Variants in DPP7 observed in about 807,000 individuals in gnomAD.
DPP7 encodes the protein dipeptidyl peptidase 2.
Under a neutral mutation model 58.8 loss-of-function variants are expected in DPP7, and 74 were observed. The observed-to-expected ratio is 1.26, with a 90% CI of 1.04 to 1.53. DPP7 has a LOEUF of 1.53. DPP7 is among the 40% of genes most tolerant of loss of function. DPP7 has a pLI of 0.00. For missense variants in DPP7, 807 were observed against 692.3 expected, an observed-to-expected ratio of 1.17 and a Z score of -1.86; for synonymous variants, 350 against 303.6, an observed-to-expected ratio of 1.15 and a Z score of -1.59.
At chr9:137,115,174 C>T (rs76353448), upstream of DPP7, 11,531 of 154,290 alleles carry the variant, frequency 0.075, 672 homozygotes, top group Non-Finnish European at 0.1. Context: ...TTTGTCCAAG[C>T]GATAACGGGC....
At position 137,114,670 on chromosome 9, in the gene DPP7, C is replaced by T; in HGVS notation, c.44G>A (p.Gly15Glu). Residue 15 changes from glycine to glutamate, a missense_variant, in exon 1 of 13, where the codon GGG (glycine) becomes GAG (glutamate). Coordinates refer to ENST00000371579, the MANE Select transcript of DPP7 (RefSeq NM_013379.3). The part of the protein sequence containing the change: ...PWAPVLLLAL[G>E]LRGLQAGARR... ...ACCCCCCGCCTGGAGGCCGCGCAGCCCGAGCGCCAGCAGCAGGACCGGGGC... is the reference window on the plus strand; with the variant it reads ...ACCCCCCGCCTGGAGGCCGCGCAGCTCGAGCGCCAGCAGCAGGACCGGGGC... 7.3e-7 allele frequency: 1 copy of T among 1,360,608 alleles called. No individual in the cohort carries two copies. The highest frequency in any genetic ancestry group is 1.5e-5 in the African/African-American group (1 of 64,994). 84.3% of individuals were successfully genotyped at this position (1,360,608 alleles called of 1,614,324 possible). A position where few individuals can be genotyped will look rare whatever the true frequency, so the allele number is the denominator to read the frequency against.
Position 137,111,981 on chromosome 9 carries a change from TA to T in DPP7, c.1098del (p.Asp366GlufsTer31). On this transcript the variant is annotated frameshift_variant, in exon 10 of 13. Transcript: ENST00000371579. LOFTEE classifies it high-confidence loss of function. ...TCAGTGAAGGGCAGGTCCGGGAACA[TA>T]TCGGTCACATTGTTGCTGGCGAAGG... The part of the protein sequence containing the change: ...NLTFASNNVT[D>X]MFPDLPFTDE... 2.5e-6 allele frequency: 4 copies of T among 1,612,800 alleles called. No individual in the cohort carries two copies. The highest frequency in any genetic ancestry group is 3.4e-6 in the Non-Finnish European group (4 of 1,179,694).
At position 137,111,562 on chromosome 9, in the gene DPP7, T is replaced by C. The variant is rs543100660; in HGVS notation, c.1272+128A>G. The C allele has an allele frequency of 1.1e-4, 109 of 1,024,192 alleles. No individual in the cohort carries two copies. The African/African-American group carries it at 1.6e-3, about 15-fold the overall frequency. The allele number at this position is 1,024,192 out of a possible 1,614,324, so 63.4% of individuals were successfully genotyped here. On this transcript the variant is annotated intron_variant, in intron 11 of 12. Coordinates refer to ENST00000371579, the MANE Select transcript of DPP7 (RefSeq NM_013379.3). Reference sequence around the variant, plus strand: ...TCCCAGTTACTGGGAGGCTTGAGCCTCAGAGGTCAAGGCTGCAGTGAACCC... The same window carrying C: ...TCCCAGTTACTGGGAGGCTTGAGCCCCAGAGGTCAAGGCTGCAGTGAACCC...
chr9:137,114,316 G>T lies in DPP7; in HGVS notation c.248C>A (p.Ala83Asp). ...GACGAAGGCCGAGTTGTTGGCGAAG[G>T]CCCACACGTCGCCCTCGTTCCCAGT... ...FYTGNEGDVW[A>D]FANNSAFVAE... The change falls in exon 3 of 13, where the codon GCC (alanine) becomes GAC (aspartate). Residue 83 changes from alanine to aspartate, a missense_variant. Physicochemically the swap from Ala to Asp is moderately radical, Grantham distance 126 (BLOSUM62 -2). Around this residue, in one of 3 missense-constraint regions of DPP7, gnomAD observed 168 missense variants for 124.1 expected, o/e 1.35. Coordinates refer to ENST00000371579, the MANE Select transcript of DPP7 (RefSeq NM_013379.3). 1 of 1,605,918 alleles carries T rather than the reference G, an allele frequency of 6.2e-7. No individual in the cohort carries two copies. Among genetic ancestry groups the T allele is most frequent in the Non-Finnish European group, 8.5e-7 (1 of 1,177,032 alleles).
chr9:137,111,833 G>A (rs1697008188), intron 10 of DPP7, 40 bp downstream of exon 10: 5 of 1,612,624 alleles, frequency 3.1e-6, no homozygotes, highest in Middle Eastern at 1.6e-4. Context: ...AGAGCTCGGG[G>A]CAGAAAGCAG....
chr9:137,110,844 G>T lies in DPP7; in HGVS notation c.1343+36C>A. 1 of 1,604,286 alleles carries T rather than the reference G, an allele frequency of 6.2e-7. No homozygotes were observed. On this transcript the variant is annotated intron_variant, in intron 12 of 12. Transcript: ENST00000371579. ...AGCCCTCGGTGAGCCTGTCCCGCCC[G>T]ACCCGCGACCACCGCCAGGCCACCT...
chr9:137,114,825 CGCTGCTTCAGCGCCGCGCCGGG>C (rs1447785132), upstream of DPP7: 72 of 737,070 alleles, frequency 9.8e-5, 1 homozygote, highest in Non-Finnish European at 5.5e-6. Context: ...CGGAGACCGT[CGCTGCTTCAGCGCCGCGCCGGG>C]GCTGTGCCCC....
Position 137,113,916 on chromosome 9 carries a change from AGC to A in DPP7, c.432_433del (p.Leu145ThrfsTer65), listed in dbSNP as rs757676713. On this transcript the variant is annotated frameshift_variant, in exon 4 of 13. Transcript: ENST00000371579. LOFTEE classifies it high-confidence loss of function. Reference sequence around the variant, plus strand: ...ATCCTGGGCCCCGAGGTCGCGTCGTAGCGCGCGGAGCAGCTCTGCGAAGTCGG... The same window carrying A: ...ATCCTGGGCCCCGAGGTCGCGTCGTAGCGCGGAGCAGCTCTGCGAAGTCGG... 1.9e-6 allele frequency: 3 copies of A among 1,576,310 alleles called. No individual in the cohort carries two copies. The highest frequency in any genetic ancestry group is 1.7e-6 in the Non-Finnish European group (2 of 1,167,136).
rs1306550229 is a variant in DPP7 at position 137,111,895 on chromosome 9, C to T, written c.1185G>A (p.Leu395=). Residue 395 remains leucine, a synonymous_variant, in exon 10 of 13, where the codon CTG becomes CTA. Transcript: ENST00000371579. ...TACCACCCCCCCAGAAGCTGGTCAG[C>T]AGCCAGTCGGGCCGGGGCCACACGC... ...TWGVWPRPDW[L]LTSFWGGDLR... The T allele has an allele frequency of 6.5e-7, 1 of 1,542,032 alleles. No individual in the cohort carries two copies. Among genetic ancestry groups the T allele is most frequent in the Admixed American group, 1.7e-5 (1 of 58,334 alleles).
Position 137,110,719 on chromosome 9 carries a change from C to G in DPP7, c.1408G>C (p.Gly470Arg). 1 of 1,607,988 alleles carries G rather than the reference C, an allele frequency of 6.2e-7. No individual in the cohort carries two copies. The highest frequency in any genetic ancestry group is 1.1e-5 in the South Asian group (1 of 91,000). ...CGCCTGGCTGCCTTTACCCACTCGC[C>G]GATGATGGTGGCCTCCAGCTTCCGC... ...EARKLEATII[G>R]EWVKAARREQ... Residue 470 changes from glycine (G) to arginine (R), a missense_variant, in exon 13 of 13, where the codon GGC becomes CGC. Transcript: ENST00000371579.
chr9:137,114,620 A>G (rs2131159181), intron 1 of DPP7, 27 bp downstream of exon 1: 4 of 1,425,334 alleles, frequency 2.8e-6, no homozygotes, highest in Non-Finnish European at 3.7e-6. Flanking sequence ...GGGACCGGGG[A>G]ATGGGCCGGG....
Position 137,113,115 on chromosome 9 carries a change from G to A in DPP7, c.708C>T (p.Tyr236=), listed in dbSNP as rs773964595. Residue 236 remains tyrosine (Y), a synonymous_variant, in exon 7 of 13, where the codon TAC becomes TAT. Transcript: ENST00000371579. ...QIKDLFLQGA[Y]DTVRWEFGTC... ...TGCCGAACTCCCAGCGGACCGTGTC[G>A]TAGGCTGCGTGGAAGGGGCAGAGAC... 9 of 1,613,620 alleles carry A rather than the reference G, an allele frequency of 5.6e-6. No individual in the cohort carries two copies. Among genetic ancestry groups the A allele is most frequent in the South Asian group, 3.3e-5 (3 of 91,086 alleles).
intron 4 of DPP7, 88 bp downstream of exon 4, chr9:137,113,777 G>A: frequency 7.2e-7 from 1 of 1,388,206 alleles, no homozygotes; most frequent in Non-Finnish European, 9.4e-7. Flanking sequence ...GGCAGCGGTG[G>A]GAGTCAGAGG....
rs1831450235 is a variant in DPP7, at chr9:137,112,982, G to A, written c.841C>T (p.Leu281=). The A allele has an allele frequency of 1.9e-6, 3 of 1,613,592 alleles. No individual in the cohort carries two copies. Among genetic ancestry groups the A allele is most frequent in the East Asian group, 2.2e-5 (1 of 44,878 alleles). The change falls in exon 7 of 13, where the codon CTG becomes TTG. Residue 281 remains leucine, a synonymous_variant. Coordinates refer to ENST00000371579, the MANE Select transcript of DPP7 (RefSeq NM_013379.3). ...MMDYPYPTDF[L]GPLPANPVKV... is the part of the protein sequence containing the mutation. The stretch of plus-strand genomic sequence containing the variant: ...ACGGGGTTGGCAGGGAGGGGACCCA[G>A]GAAGTCAGTGGGGTAGGGGTAGTCC...
chr9:137,115,781 G>A (rs1361199418), upstream of DPP7, among the ~76,000 whole-genome samples: 1 of 152,084 alleles, frequency 6.6e-6, no homozygotes, highest in Non-Finnish European at 1.5e-5. Context: ...GCAACACGAG[G>A]TCATCCAGGG....
At position 137,110,958 on chromosome 9, in the gene DPP7, C is replaced by A. The variant is rs1490856814; in HGVS notation, c.1273-8G>T. On this transcript the variant is annotated splice_polypyrimidine_tract_variant and splice_region_variant and intron_variant, in intron 11 of 12. Transcript: ENST00000371579. The stretch of plus-strand genomic sequence containing the variant: ...ACTCAGGTTCCTCCGAATCTGTGGT[C>A]AGTGGAAAGAACTCCATCAGGTGAG... The A allele has an allele frequency of 4.3e-6, 7 of 1,612,570 alleles. No homozygotes were observed. Among genetic ancestry groups the A allele is most frequent in the South Asian group, 1.1e-5 (1 of 90,910 alleles).
In DPP7 at chr9:137,113,458, T is replaced by C; in HGVS notation, c.524A>G (p.Tyr175Cys). 6.2e-7 allele frequency: 1 copy of C among 1,602,460 alleles called. No individual in the cohort carries two copies. The highest frequency in any genetic ancestry group is 1.1e-5 in the South Asian group (1 of 90,332). ...GMLSAYLRMK[Y>C]PHLVAGALAA... ...CAGCGCCCCCGCCACCAGGTGGGGA[T>C]ACTTCATCCTCAGGTAGGCACTGAG... is the stretch of plus-strand genomic sequence containing the variant. The change falls in exon 5 of 13, where the codon TAT (tyrosine) becomes TGT (cysteine). Residue 175 changes from tyrosine to cysteine, a missense_variant. Tyr to Cys is a radical substitution (Grantham distance 194, BLOSUM62 -2). This residue lies in a region of DPP7 where 624 missense variants were observed against 531.2 expected (regional missense o/e 1.17). Coordinates refer to ENST00000371579, the MANE Select transcript of DPP7 (RefSeq NM_013379.3).
Position 137,112,044 on chromosome 9 carries a change from GC to G in DPP7, c.1051-16del. 5.0e-6 allele frequency: 8 copies of G among 1,612,920 alleles called. No individual in the cohort carries two copies. The highest frequency in any genetic ancestry group is 6.8e-6 in the Non-Finnish European group (8 of 1,179,668). Reference sequence around the variant, plus strand: ...TCGGTGCAGGCCTGCAGGTGCCCCAGCCTGAGTCAGGCCAGCCCACGCCCAC... The same window carrying G: ...TCGGTGCAGGCCTGCAGGTGCCCCAGCTGAGTCAGGCCAGCCCACGCCCAC... On this transcript the variant is annotated splice_polypyrimidine_tract_variant and intron_variant, in intron 9 of 12. Transcript: ENST00000371579.
At chr9:137,111,501 T>G (rs1296939403) in intron 11 of DPP7, among the ~76,000 whole-genome samples, 189 bp downstream of exon 11, 2 of 152,124 alleles carry the variant, frequency 1.3e-5, no homozygotes, top group Non-Finnish European at 2.9e-5. Context: ...AAAATATTTT[T>G]TTAAATTAGC....
Sources: gnomAD v4.1 joint callset for allele counts (sites outside exome capture counted in the v4.1 genomes callset) on GRCh38, gnomAD v4.1.1 for gene constraint, gnomAD v4.1.1 regional missense constraint, MANE v1.5 for transcripts, NCBI Gene and HGNC (gene_info 2026-07-23, HGNC 2026-07-21) for gene names.